ATM: variants seen among roughly 807,000 people sequenced by gnomAD.
The protein encoded by ATM is ATM serine/threonine kinase.
Under a neutral mutation model 387.0 loss-of-function variants are expected in ATM, and 308 were observed. The observed-to-expected ratio is 0.80, with a 90% CI of 0.73 to 0.87. The LOEUF is 0.87. ATM is among the 40% of genes least tolerant of loss of function. ATM has a pLI of 0.00. For synonymous variants in ATM, 1,156 were observed against 1,187.3 expected (o/e 0.97, Z 0.54); for missense variants, 3,312 against 3,560.9 (o/e 0.93, Z 1.78).
intron 61 of ATM, among the ~76,000 whole-genome samples, chr11:108,359,356 A>T (rs556654061): frequency 1.3e-5 from 2 of 152,224 alleles, no homozygotes; most frequent in Admixed American, 1.3e-4. Flanking sequence ...GGGAGACTTT[A>T]ACACCCCACT....
At chr11:108,224,070 T>C (rs2078621462) in intron 1 of ATM, 1 of 152,256 alleles carries the variant, frequency 6.6e-6, no homozygotes, top group Non-Finnish European at 1.5e-5. Flanking sequence ...AATATGATCA[T>C]TGCTAACATT....
chr11:108,308,093 T>C, intron 38 of ATM, 109 bp downstream of exon 38: 2 of 1,045,026 alleles, frequency 1.9e-6, no homozygotes, highest in African/African-American at 1.6e-5. Context: ...CAAAGTGTTA[T>C]ATTTAATTTG....
intron 16 of ATM, among the ~76,000 whole-genome samples, chr11:108,262,953 A>T (rs1235828673): frequency 6.6e-6 from 1 of 151,746 alleles, no homozygotes; most frequent in Admixed American, 6.6e-5. Flanking sequence ...ATATATATGC[A>T]CCCACTACAG....
In ATM at chr11:108,284,370, A is replaced by T; in HGVS notation, c.3890A>T (p.Tyr1297Phe). 1 of 1,613,980 alleles carries T rather than the reference A, an allele frequency of 6.2e-7. No individual in the cohort carries two copies. The highest frequency in any genetic ancestry group is 1.7e-5 in the Admixed American group (1 of 60,018). ...FPKILVNILP[Y>F]FAYEGTRDSG... ...AAGATTCTTGTAAATATTCTTCCTT[A>T]TTTTGCCTATGAGGGTACCAGAGAC... Residue 1297 changes from tyrosine to phenylalanine, a missense_variant, in exon 26 of 63, where the codon TAT (tyrosine) becomes TTT (phenylalanine). By Grantham distance (22) the Tyr-to-Phe change is conservative. Around this residue, in one of 4 missense-constraint regions of ATM, gnomAD observed 1,791 missense variants for 1,804.5 expected, o/e 0.99. Transcript: ENST00000675843.
intron 31 of ATM, among the ~76,000 whole-genome samples, chr11:108,293,877 CA>C (rs33977155): frequency 3.0e-3 from 320 of 106,126 alleles, no homozygotes; most frequent in East Asian, 8.8e-3. Flanking sequence ...GACCCTGTCT[CA>C]AAAAAAAAAA....
intron 22 of ATM, among the ~76,000 whole-genome samples, chr11:108,278,804 G>A (rs945573954): frequency 6.6e-6 from 1 of 151,992 alleles, no homozygotes; most frequent in Non-Finnish European, 1.5e-5. Context: ...CCATGACTCC[G>A]ACACCTCCCA....
intron 6 of ATM, 107 bp downstream of exon 6, chr11:108,244,225 A>C: frequency 7.6e-7 from 1 of 1,308,582 alleles, no homozygotes; most frequent in South Asian, 1.3e-5. Flanking sequence ...TAAAACATTG[A>C]TCCATCATAA....
At chr11:108,238,224 G>T (rs1424881782) in intron 5 of ATM, among the ~76,000 whole-genome samples, 3 of 151,956 alleles carry the variant, frequency 2.0e-5, no homozygotes, top group Non-Finnish European at 4.4e-5. Context: ...ACCGCGTCTG[G>T]CCACTTGTCT....
At chr11:108,307,750 C>G (rs1014020839) in intron 37 of ATM, 147 bp from the exon 38 acceptor site, 7 of 674,904 alleles carry the variant, frequency 1.0e-5, no homozygotes, top group African/African-American at 9.1e-5. Flanking sequence ...AAAAGAAATC[C>G]TATTAAATTC....
At chr11:108,248,837 G>A (rs1269596593) in intron 8 of ATM, 96 bp from the exon 9 acceptor site, 4 of 1,038,462 alleles carry the variant, frequency 3.9e-6, no homozygotes, top group African/African-American at 1.6e-5. Context: ...GTGGTGATAC[G>A]AGATCGTGCT....
intron 56 of ATM, chr11:108,340,403 A>G (rs896651422): frequency 6.6e-6 from 1 of 152,112 alleles, no homozygotes; most frequent in Non-Finnish European, 1.5e-5. Context: ...CATTCTCACA[A>G]TACTGTCATC....
chr11:108,343,380 C>T lies in ATM; in HGVS notation c.8418+9C>T. 1 of 1,613,668 alleles carries T rather than the reference C, an allele frequency of 6.2e-7. No homozygotes were observed. The highest frequency in any genetic ancestry group is 8.5e-7 in the Non-Finnish European group (1 of 1,179,714). On this transcript the variant is annotated intron_variant, in intron 57 of 62. Transcript: ENST00000675843. ...GCCAAAAGAAAATGATGGTGAGTGA[C>T]ACCCAAAATTAAAGGTTATTGTAAG...
intron 5 of ATM, among the ~76,000 whole-genome samples, chr11:108,240,950 A>T (rs992312449): frequency 2.6e-5 from 4 of 152,222 alleles, no homozygotes; most frequent in African/African-American, 4.8e-5. Flanking sequence ...CTTAAAATAC[A>T]AATGCATTGT....
rs1555110379 is a variant in ATM, at chr11:108,310,227, G to C, written c.5830G>C (p.Val1944Leu). ...TTTAAATTATCTAGAAGTTGCCAAG[G>C]TAGCTCAGTCTTGTGCTGCTCACTT... The part of the protein sequence containing the change: ...LDLNYLEVAK[V>L]AQSCAAHFTA... The change falls in exon 39 of 63, where the codon GTA (valine) becomes CTA (leucine). Residue 1944 changes from valine to leucine, a missense_variant. Val to Leu is a conservative substitution (Grantham distance 32, BLOSUM62 1). Around this residue, in one of 4 missense-constraint regions of ATM, gnomAD observed 1,405 missense variants for 1,604.4 expected, o/e 0.88. Transcript: ENST00000675843. 2 of 1,613,602 alleles carry C rather than the reference G, an allele frequency of 1.2e-6. No individual in the cohort carries two copies. Among genetic ancestry groups the C allele is most frequent in the Non-Finnish European group, 1.7e-6 (2 of 1,179,748 alleles).
intron 20 of ATM, among the ~76,000 whole-genome samples, chr11:108,272,130 C>T (rs1319747451): frequency 6.6e-6 from 1 of 152,164 alleles, no homozygotes; most frequent in Non-Finnish European, 1.5e-5. Flanking sequence ...CCACCTTGGC[C>T]TCCCAAAGTG....
Position 108,345,885 on chromosome 11 carries a change from G to A in ATM, c.8561G>A (p.Arg2854His), listed in dbSNP as rs1060501605. Residue 2854 changes from arginine (R) to histidine (H), a missense_variant, in exon 58 of 63, where the codon CGC (arginine) becomes CAC (histidine). Arg to His is a conservative substitution (Grantham distance 29, BLOSUM62 0). Around this residue, in one of 4 missense-constraint regions of ATM, gnomAD observed 1,405 missense variants for 1,604.4 expected, o/e 0.88. Transcript: ENST00000675843. Reference sequence around the variant, plus strand: ...TTTGAGAAGCGATTGGCTTATACGCGCAGTGTAGCTACTTCTTCTATTGGT... The same window carrying A: ...TTTGAGAAGCGATTGGCTTATACGCACAGTGTAGCTACTTCTTCTATTGGT... Reference protein sequence around the residue: ...IWFEKRLAYTRSVATSSIVGY... With the variant: ...IWFEKRLAYTHSVATSSIVGY... The A allele has an allele frequency of 2.5e-6, 4 of 1,613,664 alleles. No individual in the cohort carries two copies. The highest frequency in any genetic ancestry group is 2.5e-6 in the Non-Finnish European group (3 of 1,179,756).
rs774386740 is a variant in ATM, at chr11:108,301,800, T to TTATTC, written c.5319+11_5319+12insTATTC. 3.1e-6 allele frequency: 5 copies of TTATTC among 1,612,712 alleles called. No homozygotes were observed. The South Asian group carries it at 5.5e-5, about 18-fold the overall frequency. The stretch of plus-strand genomic sequence containing the variant: ...ACATCAAGAAAAAAGGTCTCTTAAG[T>TTATTC]AATAAATGTTTATTGAATACCCAGC... On this transcript the variant is annotated intron_variant, in intron 35 of 62. Coordinates refer to ENST00000675843, the MANE Select transcript of ATM (RefSeq NM_000051.4).
At chr11:108,323,035 AATTACT>A (rs1294530290) in intron 45 of ATM, among the ~76,000 whole-genome samples, 2 of 152,032 alleles carry the variant, frequency 1.3e-5, no homozygotes, top group African/African-American at 4.8e-5. Context: ...TGCTATTTTG[AATTACT>A]ATTATTATTA....
intron 48 of ATM, 37 bp downstream of exon 48, chr11:108,327,795 A>G: frequency 7.0e-7 from 1 of 1,423,920 alleles, no homozygotes. Context: ...ATAGTTACTT[A>G]GCATGAATAT....
Sources: allele counts gnomAD v4.1 joint callset (sites outside exome capture counted in the v4.1 genomes callset), GRCh38; gene constraint gnomAD v4.1.1; regional missense constraint gnomAD v4.1.1; transcripts MANE v1.5; gene names NCBI Gene and HGNC (gene_info 2026-07-23, HGNC 2026-07-21).